Variants in ZNF875 observed in about 807,000 individuals in gnomAD.
ZNF875 encodes the protein HKR1, GLI-Kruppel zinc finger family member.
ZNF875 carries 14 observed loss-of-function variants against 11.2 expected under a neutral mutation model. That is an observed-to-expected ratio of 1.26 (90% confidence interval 0.83 to 1.96). The LOEUF (loss-of-function observed/expected upper bound fraction) is 1.96, where lower values mean the gene tolerates loss of function less well. Ranked by LOEUF, ZNF875 falls within the 30% of genes most tolerant of loss-of-function variation. ZNF875 has a pLI of 0.00. For synonymous variants in ZNF875, 301 were observed against 281.1 expected (o/e 1.07, Z -0.71); for missense variants, 752 against 760.4 (o/e 0.99, Z 0.13).
chr19:37,325,754 C>T lies in ZNF875; in HGVS notation c.-603+1489C>T, dbSNP rs550816209. On this transcript the variant is annotated intron_variant, in intron 4 of 5. Transcript: ENST00000544914. ...GCTGGGTCTCACTCTGTCAGCCGGG[C>T]TGGAGTGCAGTAGCACAATCTTGAC... Among the ~76,000 whole-genome samples, 3 of 152,138 alleles carry T rather than the reference C, an allele frequency of 2.0e-5. No homozygotes were observed. The East Asian group carries it at 5.8e-4, about 29-fold the overall frequency.
Position 37,363,575 on chromosome 19 carries a change from CTCAT to C in ZNF875, c.1725_1728del (p.Ile576AsnfsTer100). The C allele has an allele frequency of 6.2e-7, 1 of 1,613,270 alleles. No homozygotes were observed. Among genetic ancestry groups the C allele is most frequent in the Non-Finnish European group, 8.5e-7 (1 of 1,179,472 alleles). On this transcript the variant is annotated frameshift_variant, in exon 5 of 5. Transcript: ENST00000392153. LOFTEE classifies it low-confidence loss of function (END_TRUNC). ...GCAAGGCTTTTGTGCTAAGTTAACT[CTCAT>C]TAAACACCAGAGAGCACACGCAGGG...
chr19:37,318,391 AG>A (rs2030494189), intron 1 of ZNF875, among the ~76,000 whole-genome samples: 5 of 152,192 alleles, frequency 3.3e-5, no homozygotes, highest in Admixed American at 6.5e-5. Context: ...TGTATTATTT[AG>A]TGGACTGTCT....
At chr19:37,343,318 A>C (rs1384733187) in intron 2 of ZNF875, among the ~76,000 whole-genome samples, 1 of 150,088 alleles carries the variant, frequency 6.7e-6, no homozygotes, top group Admixed American at 6.7e-5. Context: ...ACTCCAGCCT[A>C]GGTGTCAGAG....
intron 4 of ZNF875, among the ~76,000 whole-genome samples, chr19:37,356,696 G>GT (rs778332318): frequency 1.3e-3 from 200 of 152,222 alleles, no homozygotes; most frequent in Non-Finnish European, 6.0e-4. Flanking sequence ...TTGTTGATTT[G>GT]TTTAAGTTCC....
chr19:37,352,964 C>T (rs1213067226), intron 4 of ZNF875, among the ~76,000 whole-genome samples: 1 of 147,278 alleles, frequency 6.8e-6, no homozygotes, highest in Non-Finnish European at 1.5e-5. Context: ...TCCTCTGCCT[C>T]CTGGGTTCAA....
chr19:37,339,663 C>T (rs955221238), intron 2 of ZNF875, among the ~76,000 whole-genome samples: 3 of 148,566 alleles, frequency 2.0e-5, no homozygotes, highest in East Asian at 4.1e-4. Context: ...CTCCCAGGTT[C>T]GAGCAATTCT....
In ZNF875 at chr19:37,326,422, C is replaced by T. The variant is rs572834075; in HGVS notation, c.-603+2157C>T. Among the ~76,000 whole-genome samples, 31 of 152,282 alleles carry T rather than the reference C, an allele frequency of 2.0e-4. No homozygotes were observed. In the South Asian group the frequency reaches 5.8e-3, roughly 28 times the overall value. ...AATCCTTTAATATGGAGAATTATTT[C>T]CAATTCCTTAACATCCTGCCTGATT... On this transcript the variant is annotated intron_variant, in intron 4 of 5. Transcript: ENST00000544914.
upstream of ZNF875, among the ~76,000 whole-genome samples, chr19:37,330,239 C>G (rs145273704): frequency 6.6e-6 from 1 of 152,162 alleles, no homozygotes; most frequent in African/African-American, 2.4e-5. Flanking sequence ...CTATCCATTA[C>G]CTCAAATACT....
intron 3 of ZNF875, 95 bp from the exon 4 acceptor site, chr19:37,347,682 T>A: frequency 3.9e-6 from 3 of 775,432 alleles, no homozygotes; most frequent in Non-Finnish European, 6.8e-6. Flanking sequence ...GTCTTTTTTA[T>A]CCTCTGGGTT....
At chr19:37,322,324 T>G (rs928845799) in intron 2 of ZNF875, 3 of 152,266 alleles carry the variant, frequency 2.0e-5, no homozygotes, top group Non-Finnish European at 4.4e-5. Context: ...TCTTTGGATA[T>G]TCTCATAGAT....
intron 2 of ZNF875, among the ~76,000 whole-genome samples, chr19:37,341,600 G>A (rs149861837): frequency 7.2e-5 from 11 of 152,184 alleles, no homozygotes; most frequent in East Asian, 5.8e-4. Flanking sequence ...GTCCAGAGTC[G>A]TCATAGAACG....
rs1245522457 is a variant in ZNF875 at position 37,326,994 on chromosome 19, A to G, written c.-603+2729A>G. ...AGACAGCTTATTTTATTTTATTATT[A>G]TAATTTTTTTTTTTTCGAGATGAAG... is the stretch of plus-strand genomic sequence containing the variant. On this transcript the variant is annotated intron_variant, in intron 4 of 5. Transcript: ENST00000544914. Among the ~76,000 whole-genome samples, 6 of 150,456 alleles carry G rather than the reference A, an allele frequency of 4.0e-5. No homozygotes were observed. In the South Asian group the frequency reaches 1.1e-3, roughly 27 times the overall value.
chr19:37,325,451 C>T (rs1472747290), intron 4 of ZNF875, among the ~76,000 whole-genome samples: 3 of 152,112 alleles, frequency 2.0e-5, no homozygotes, highest in Non-Finnish European at 4.4e-5. Flanking sequence ...TAAAAAGAAA[C>T]AGGTGAAATT....
At chr19:37,333,448 A>T (rs1293753310), upstream of ZNF875, among the ~76,000 whole-genome samples, 2 of 152,004 alleles carry the variant, frequency 1.3e-5, no homozygotes, top group African/African-American at 4.8e-5. Context: ...ACACCCTCTC[A>T]ATGGGAGAGG....
At chr19:37,341,371 A>G (rs2035685948) in intron 2 of ZNF875, among the ~76,000 whole-genome samples, 1 of 152,122 alleles carries the variant, frequency 6.6e-6, no homozygotes, top group East Asian at 1.9e-4. Flanking sequence ...TGGCATTTTG[A>G]CCAGGGCTGG....
rs151159394 is a variant in ZNF875, at chr19:37,363,670, C to T, written c.1818C>T (p.His606=). 1 of 1,613,520 alleles carries T rather than the reference C, an allele frequency of 6.2e-7. No homozygotes were observed. The highest frequency in any genetic ancestry group is 1.1e-5 in the South Asian group (1 of 90,980). ...GCCGGCAGTCACACCTCATTAGACA[C>T]CAGAGGACACATTCAGGAGAGAAGC... ...GFSRQSHLIR[H]QRTHSGEKPY... Residue 606 remains histidine, a synonymous_variant, in exon 5 of 5, where the codon CAC becomes CAT. Coordinates refer to ENST00000392153, the MANE Select transcript of ZNF875 (RefSeq NM_001353803.2).
At chr19:37,347,632 T>G (rs2037063257) in intron 3 of ZNF875, 145 bp from the exon 4 acceptor site, 1 of 632,002 alleles carries the variant, frequency 1.6e-6, no homozygotes, top group South Asian at 2.0e-5. Flanking sequence ...TCACCTTTCC[T>G]TAGTCAACCC....
At chr19:37,354,753 G>A (rs1249383815) in intron 4 of ZNF875, among the ~76,000 whole-genome samples, 1 of 152,100 alleles carries the variant, frequency 6.6e-6, no homozygotes, top group Admixed American at 6.5e-5. Context: ...TGCAGACTGG[G>A]TTAGTTCTTT....
At chr19:37,336,183 G>A (rs2145930276) in intron 2 of ZNF875, among the ~76,000 whole-genome samples, 1 of 152,228 alleles carries the variant, frequency 6.6e-6, no homozygotes, top group South Asian at 2.1e-4. Context: ...TGTTAAGTTG[G>A]AGATTGGGGG....
Sources: gnomAD v4.1 joint callset for allele counts (sites outside exome capture counted in the v4.1 genomes callset) on GRCh38, gnomAD v4.1.1 for gene constraint, MANE v1.5 for transcripts, NCBI Gene and HGNC (gene_info 2026-07-23, HGNC 2026-07-21) for gene names.